The following LRRC37A2 variants were observed in gnomAD, a reference collection of about 807,000 sequenced individuals.
The protein encoded by LRRC37A2 is leucine rich repeat containing 37 member A2.
Under a neutral mutation model 68.8 loss-of-function variants are expected in LRRC37A2, and 9 were observed. The observed-to-expected ratio is 0.13, with a 90% CI of 0.08 to 0.23. LRRC37A2 has a LOEUF of 0.23. Ranked by LOEUF, LRRC37A2 falls within the 10% of genes least tolerant of loss-of-function variation. LRRC37A2 has a pLI of 1.00. For synonymous variants in LRRC37A2, 63 were observed against 367.6 expected, an observed-to-expected ratio of 0.17 and a Z score of 9.48; for missense variants, 168 against 950.4, an observed-to-expected ratio of 0.18 and a Z score of 10.82.
chr17:46,798,762 C>T, the LRRC37A2 span, among the ~76,000 whole-genome samples: 1 of 152,078 alleles, frequency 6.6e-6, no homozygotes, highest in Non-Finnish European at 1.5e-5. Context: ...ATAAAAATCC[C>T]TGATAGGCTG....
chr17:46,721,767 C>T, the LRRC37A2 span: 1 of 1,603,356 alleles, frequency 6.2e-7, no homozygotes, highest in Non-Finnish European at 8.5e-7. Flanking sequence ...CTTGGGAAGA[C>T]CAAGTCCTCA....
At chr17:47,022,168 CTTT>C in the LRRC37A2 span, among the ~76,000 whole-genome samples, 50 of 19,724 alleles carry the variant, frequency 2.5e-3, 6 homozygotes, top group Middle Eastern at 0.077. Flanking sequence ...TTTTTGTTCT[CTTT>C]TTTTTTTTTT....
At chr17:46,558,824 ACCT>A (rs1894357781), downstream of LRRC37A2, 1 of 111,212 alleles carries the variant, frequency 9.0e-6, no homozygotes, top group Admixed American at 9.9e-5. Context: ...AGAAAAAGGG[ACCT>A]CTTTTATTCT....
the LRRC37A2 span, among the ~76,000 whole-genome samples, chr17:47,034,204 T>C: frequency 6.6e-6 from 1 of 152,282 alleles, no homozygotes; most frequent in East Asian, 1.9e-4. Context: ...GAAACATAAA[T>C]ATAAATAAAT....
the LRRC37A2 span, among the ~76,000 whole-genome samples, chr17:46,891,880 T>C: frequency 6.6e-6 from 1 of 151,430 alleles, no homozygotes; most frequent in Non-Finnish European, 1.5e-5. Flanking sequence ...TCCAAGTTCC[T>C]CCTTTTACTC....
At chr17:46,734,078 C>A in the LRRC37A2 span, among the ~76,000 whole-genome samples, 3 of 152,108 alleles carry the variant, frequency 2.0e-5, no homozygotes, top group Non-Finnish European at 4.4e-5. Flanking sequence ...TTCATGTAGT[C>A]CTTACATGAC....
chr17:46,880,831 A>C, the LRRC37A2 span, among the ~76,000 whole-genome samples: 4 of 152,296 alleles, frequency 2.6e-5, no homozygotes, highest in African/African-American at 9.6e-5. Flanking sequence ...CCTGGATTAC[A>C]CACCAATTCA....
the LRRC37A2 span, among the ~76,000 whole-genome samples, chr17:46,863,029 C>T: frequency 6.6e-6 from 1 of 152,236 alleles, no homozygotes; most frequent in South Asian, 2.1e-4. Flanking sequence ...GGTACAGGGC[C>T]CCACAGGGGC....
At chr17:46,910,610 A>G in the LRRC37A2 span, among the ~76,000 whole-genome samples, 1 of 152,198 alleles carries the variant, frequency 6.6e-6, no homozygotes, top group African/African-American at 2.4e-5. Context: ...CTGGAGACTG[A>G]TTATGTGTGG....
chr17:46,746,203 T>G, the LRRC37A2 span, among the ~76,000 whole-genome samples: 1 of 152,208 alleles, frequency 6.6e-6, no homozygotes, highest in South Asian at 2.1e-4. Flanking sequence ...TCCTAGTTGA[T>G]TCCTCAAATA....
chr17:46,962,071 C>G, the LRRC37A2 span, among the ~76,000 whole-genome samples: 1 of 152,126 alleles, frequency 6.6e-6, no homozygotes, highest in Non-Finnish European at 1.5e-5. Context: ...GTGGCTCATG[C>G]CTGTAATCTC....
chr17:46,809,825 T>C, the LRRC37A2 span, among the ~76,000 whole-genome samples: 1 of 152,024 alleles, frequency 6.6e-6, no homozygotes, highest in Admixed American at 6.6e-5. Context: ...CCAGGGGCTC[T>C]CCAGTGAGCA....
the LRRC37A2 span, among the ~76,000 whole-genome samples, chr17:46,869,160 C>T: frequency 1.3e-5 from 2 of 152,136 alleles, no homozygotes; most frequent in East Asian, 1.9e-4. Context: ...GGCCTCTGTG[C>T]GGTTGGCTAC....
chr17:46,848,280 A>G, the LRRC37A2 span, among the ~76,000 whole-genome samples: 2 of 152,166 alleles, frequency 1.3e-5, no homozygotes, highest in Admixed American at 6.5e-5. Context: ...TGCTTCCGTC[A>G]CCACACATGT....
the LRRC37A2 span, chr17:46,833,475 C>T: frequency 1.6e-5 from 8 of 485,250 alleles, no homozygotes; most frequent in African/African-American, 1.6e-4. Context: ...GCCAACCCAC[C>T]CCGACTCCCC....
chr17:46,681,562 C>CA, the LRRC37A2 span, among the ~76,000 whole-genome samples: 26,940 of 148,174 alleles, frequency 0.18, 3,968 homozygotes, highest in East Asian at 0.6. Flanking sequence ...ATCTCGTCTT[C>CA]AAAAAAAAAA....
the LRRC37A2 span, chr17:46,768,323 C>T: frequency 1.9e-6 from 3 of 1,613,642 alleles, no homozygotes; most frequent in South Asian, 3.3e-5. This position sits in a 1 kb window ranked among gnomAD's most constrained non-coding sequence, Gnocchi z 5.0. Context: ...TGGTGCCCTA[C>T]TTGCAGGTGT....
chr17:46,938,261 T>G, the LRRC37A2 span, among the ~76,000 whole-genome samples: 1 of 152,206 alleles, frequency 6.6e-6, no homozygotes, highest in African/African-American at 2.4e-5. Context: ...TCAAATTAAT[T>G]TTTATGTATA....
the LRRC37A2 span, among the ~76,000 whole-genome samples, chr17:46,720,833 A>T: frequency 6.6e-6 from 1 of 152,158 alleles, no homozygotes; most frequent in African/African-American, 2.4e-5. Context: ...ACCTAAGGGC[A>T]CTAAGGAGGT....
Sources: gnomAD v4.1 joint callset for allele counts (sites outside exome capture counted in the v4.1 genomes callset) on GRCh38, gnomAD v4.1.1 for gene constraint, Gnocchi (gnomAD v3.1) non-coding constraint, MANE v1.5 for transcripts, NCBI Gene and HGNC (gene_info 2026-07-23, HGNC 2026-07-21) for gene names.